PALM2AKAP2: variants seen among roughly 807,000 people sequenced by gnomAD.
PALM2AKAP2 encodes the protein PALM2-AKAP2 fusion protein.
In PALM2AKAP2, 37 loss-of-function variants were observed where a neutral mutation model predicts 71.5. The ratio of observed to expected loss-of-function variants is 0.52; its 90% CI spans 0.40 to 0.68. The LOEUF (loss-of-function observed/expected upper bound fraction) is 0.68, where lower values mean the gene tolerates loss of function less well. Ranked by LOEUF, PALM2AKAP2 falls within the 30% of genes least tolerant of loss-of-function variation. The pLI is 0.00. For synonymous variants in PALM2AKAP2, 468 were observed against 478.8 expected, an observed-to-expected ratio of 0.98 and a Z score of 0.29; for missense variants, 1,224 against 1,191.8, an observed-to-expected ratio of 1.03 and a Z score of -0.40.
intron 6 of PALM2AKAP2, among the ~76,000 whole-genome samples, chr9:109,990,116 G>T (rs1244749384): frequency 6.8e-6 from 1 of 146,492 alleles, no homozygotes; most frequent in Non-Finnish European, 1.5e-5. Flanking sequence ...CTGTCACCCA[G>T]GCTGGAGTGC....
chr9:110,046,448 T>C (rs1227688938), upstream of PALM2AKAP2, among the ~76,000 whole-genome samples: 1 of 151,028 alleles, frequency 6.6e-6, no homozygotes. Flanking sequence ...AGAATAAAGT[T>C]GGTATGATTG....
chr9:109,894,094 C>T (rs1415124227), intron 3 of PALM2AKAP2, among the ~76,000 whole-genome samples: 3 of 151,012 alleles, frequency 2.0e-5, no homozygotes, highest in Non-Finnish European at 4.4e-5. Context: ...CCCAGCACTT[C>T]GGGAGGCCGA....
chr9:109,923,977 G>A (rs1468979801), intron 4 of PALM2AKAP2, 128 bp downstream of exon 4: 1 of 993,954 alleles, frequency 1.0e-6, no homozygotes, highest in Non-Finnish European at 1.4e-6. Flanking sequence ...TCTATGAAAT[G>A]AGGGGCAGAT....
intron 1 of PALM2AKAP2, among the ~76,000 whole-genome samples, chr9:110,113,626 C>A (rs888709249): frequency 1.3e-5 from 2 of 151,850 alleles, no homozygotes; most frequent in African/African-American, 4.8e-5. Flanking sequence ...CGGATTCAAG[C>A]AATTCTCCTG....
chr9:109,750,900 A>G (rs1236973170), intron 1 of PALM2AKAP2, among the ~76,000 whole-genome samples: 2 of 152,098 alleles, frequency 1.3e-5, no homozygotes, highest in Non-Finnish European at 2.9e-5. Context: ...TACATTAATG[A>G]TCTGAGGCAA....
intron 2 of PALM2AKAP2, among the ~76,000 whole-genome samples, chr9:110,142,877 TGA>T (rs1255422610): frequency 6.6e-6 from 1 of 152,180 alleles, no homozygotes; most frequent in Non-Finnish European, 1.5e-5. Context: ...GAGAAGCCAG[TGA>T]GAGTTTTTAA....
At chr9:109,840,659 A>G (rs975283712) in intron 1 of PALM2AKAP2, among the ~76,000 whole-genome samples, 1 of 152,248 alleles carries the variant, frequency 6.6e-6, no homozygotes, top group African/African-American at 2.4e-5. Context: ...AAGAACTCAA[A>G]TAAATTTACA....
chr9:110,034,084 C>G (rs1456340560), intron 7 of PALM2AKAP2, among the ~76,000 whole-genome samples: 1 of 152,142 alleles, frequency 6.6e-6, no homozygotes, highest in Non-Finnish European at 1.5e-5. Flanking sequence ...TAGCATAGTC[C>G]CCTAACCACA....
chr9:109,668,178 C>T lies in PALM2AKAP2; in HGVS notation c.5+27312C>T, dbSNP rs1173019785. The stretch of plus-strand genomic sequence containing the variant: ...GTCTCGATCTCCTGACCTCGTGATC[C>T]GCCCGCCTCGGCCTCCCAAAGTGCT... On this transcript the variant is annotated intron_variant, in intron 1 of 6. Coordinates refer to the PALM2AKAP2 transcript ENST00000374531. Among the ~76,000 whole-genome samples the T allele has an allele frequency of 5.3e-4, 11 of 20,844 alleles. 3 individuals carry two copies. In the East Asian group the frequency reaches 5.4e-3, roughly 10 times the overall value. The allele number at this position is 20,844 out of a possible 152,430, so 13.7% of individuals were successfully genotyped here. A position where few individuals can be genotyped will look rare whatever the true frequency, so the allele number is the denominator to read the frequency against.
At chr9:110,050,772 C>T (rs1204157464) in intron 1 of PALM2AKAP2, among the ~76,000 whole-genome samples, 2 of 152,142 alleles carry the variant, frequency 1.3e-5, no homozygotes, top group African/African-American at 2.4e-5. Context: ...GGATTACAGG[C>T]ACCCACCACC....
intron 1 of PALM2AKAP2, among the ~76,000 whole-genome samples, chr9:110,122,063 A>T (rs1266410051): frequency 6.6e-6 from 1 of 152,160 alleles, no homozygotes; most frequent in African/African-American, 2.4e-5. Context: ...GCTGCCTTAC[A>T]TTACAGACAC....
At chr9:109,837,970 G>A (rs1009355126) in intron 1 of PALM2AKAP2, among the ~76,000 whole-genome samples, 2 of 152,114 alleles carry the variant, frequency 1.3e-5, no homozygotes, top group African/African-American at 2.4e-5. Context: ...GACAGATAAC[G>A]AGACAGAAAG....
chr9:110,081,703 C>T (rs538361477), intron 1 of PALM2AKAP2, among the ~76,000 whole-genome samples: 9 of 152,168 alleles, frequency 5.9e-5, no homozygotes, highest in South Asian at 2.1e-4. Context: ...CCAGCCCAAG[C>T]GACAGGAAAC....
At chr9:109,947,613 T>A (rs1831539085) in intron 6 of PALM2AKAP2, among the ~76,000 whole-genome samples, 1 of 152,176 alleles carries the variant, frequency 6.6e-6, no homozygotes, top group African/African-American at 2.4e-5. Flanking sequence ...CAGATGGACA[T>A]AGACAGAATA....
At chr9:109,720,019 C>T (rs938059016) in intron 1 of PALM2AKAP2, among the ~76,000 whole-genome samples, 3 of 151,362 alleles carry the variant, frequency 2.0e-5, no homozygotes, top group Non-Finnish European at 4.4e-5. Flanking sequence ...GATGGAGTCT[C>T]ACTCTGTCAC....
At chr9:109,956,686 T>A (rs1370741614) in intron 6 of PALM2AKAP2, among the ~76,000 whole-genome samples, 1 of 152,170 alleles carries the variant, frequency 6.6e-6, no homozygotes, top group Non-Finnish European at 1.5e-5. Context: ...TTTGTTATTT[T>A]TGTCCTGTGT....
chr9:110,094,209 G>A (rs114814689), intron 1 of PALM2AKAP2, among the ~76,000 whole-genome samples: 2,484 of 152,336 alleles, frequency 0.016, 51 homozygotes, highest in African/African-American at 0.057. Context: ...CCATGTGTGT[G>A]ATCTGCATCT....
chr9:109,749,151 G>T (rs1022879260), intron 1 of PALM2AKAP2, among the ~76,000 whole-genome samples: 1 of 152,132 alleles, frequency 6.6e-6, no homozygotes, highest in Non-Finnish European at 1.5e-5. Context: ...GATAGAAGCG[G>T]CTCTTGTATT....
intron 6 of PALM2AKAP2, among the ~76,000 whole-genome samples, chr9:110,012,068 T>C (rs2132324659): frequency 6.6e-6 from 1 of 152,240 alleles, no homozygotes; most frequent in Non-Finnish European, 1.5e-5. Flanking sequence ...ACTGAGGTGG[T>C]TGGATCACTT....
Sources: gnomAD v4.1 joint callset for allele counts (sites outside exome capture counted in the v4.1 genomes callset) on GRCh38, gnomAD v4.1.1 for gene constraint, MANE v1.5 for transcripts, NCBI Gene and HGNC (gene_info 2026-07-23, HGNC 2026-07-21) for gene names.